The following ELMO3 variants were observed in gnomAD, a reference collection of about 807,000 sequenced individuals.
The protein encoded by ELMO3 is engulfment and cell motility 3.
ELMO3 carries 81 observed loss-of-function variants against 89.0 expected under a neutral mutation model. The observed-to-expected ratio is 0.91, with a 90% confidence interval of 0.76 to 1.09. The LOEUF (loss-of-function observed/expected upper bound fraction) is 1.09, where lower values mean the gene tolerates loss of function less well. Among genes scored for constraint, ELMO3 ranks in the 50% least tolerant of loss-of-function variants. The pLI, the probability that ELMO3 is intolerant of heterozygous loss-of-function variation, is 0.00. For missense variants in ELMO3, 959 were observed against 972.8 expected (o/e 0.99, Z 0.19); for synonymous variants, 406 against 400.6 (o/e 1.01, Z -0.16).
chr16:67,199,476 G>GGGCCCCCCCCCC, intron 1 of ELMO3, 72 bp downstream of exon 1: 1 of 1,503,596 alleles, frequency 6.7e-7, no homozygotes, highest in Non-Finnish European at 9.0e-7. Context: ...CCTCGGGGCA[G>GGGCCCCCCCCCC]CCCGCCCCAC....
chr16:67,203,309 C>T lies in ELMO3; in HGVS notation c.1781-18C>T, dbSNP rs1453482399. On this transcript the variant is annotated intron_variant, in intron 17 of 19. Coordinates refer to ENST00000393997, the MANE Select transcript of ELMO3 (RefSeq NM_024712.5). This position sits in a 1 kb window ranked among gnomAD's most constrained non-coding sequence, Gnocchi z 4.6. ...GGCTGCCAGGGCTGCAGTGCTCAGC[C>T]CAGCCTTCTTCCTGCAGTCCCTGTG... The T allele has an allele frequency of 3.8e-6, 6 of 1,592,654 alleles. No homozygotes were observed. Among genetic ancestry groups the T allele is most frequent in the Non-Finnish European group, 5.1e-6 (6 of 1,172,886 alleles).
In ELMO3 at chr16:67,201,826, C is replaced by T. The variant is rs745529398; in HGVS notation, c.1003C>T (p.Arg335Cys). 26 of 1,611,576 alleles carry T rather than the reference C, an allele frequency of 1.6e-5. No homozygotes were observed. The South Asian group carries it at 2.2e-4, about 14-fold the overall frequency. The change falls in exon 11 of 20, where the codon CGT becomes TGT. Residue 335 changes from arginine (R) to cysteine (C), a missense_variant. Arg to Cys is a radical substitution (Grantham distance 180, BLOSUM62 -3). Coordinates refer to ENST00000393997, the MANE Select transcript of ELMO3 (RefSeq NM_024712.5). ...ESSGAGLSAD[R>C]RRSLCAREFR... ...CTCGGGTGCCGGGCTAAGTGCTGACCGTCGCCGTTCCCTCTGTGCCCGAGA... is the reference window on the plus strand; with the variant it reads ...CTCGGGTGCCGGGCTAAGTGCTGACTGTCGCCGTTCCCTCTGTGCCCGAGA...
chr16:67,201,481 G>A (rs375594879), intron 9 of ELMO3, 39 bp from the exon 10 acceptor site: 81 of 1,613,708 alleles, frequency 5.0e-5, no homozygotes, highest in Admixed American at 1.3e-4. Flanking sequence ...CTCCCTCCCC[G>A]TGAGCCCTCG....
rs544236181 is a variant in ELMO3 at position 67,203,838 on chromosome 16, C to T, written c.2124C>T (p.Asn708=). 6.3e-6 allele frequency: 10 copies of T among 1,588,780 alleles called. No individual in the cohort carries two copies. The South Asian group carries it at 7.8e-5, about 12-fold the overall frequency. The change falls in exon 20 of 20, where the codon AAC becomes AAT. Residue 708 remains asparagine, a synonymous_variant. Coordinates refer to ENST00000393997, the MANE Select transcript of ELMO3 (RefSeq NM_024712.5). The surrounding 1 kb of genome is among the most constrained non-coding windows in gnomAD (Gnocchi z 4.6). ...RPPPVPPPPT[N]FNFCYDCSIA... ...CCCCTGTGCCCCCACCCCCCACCAA[C>T]TTCAACTTCTGCTATGACTGCAGCA... is the stretch of plus-strand genomic sequence containing the variant.
chr16:67,201,266 C>T, intron 8 of ELMO3, 119 bp from the exon 9 acceptor site: 3 of 1,194,052 alleles, frequency 2.5e-6, no homozygotes, highest in South Asian at 2.5e-5. Flanking sequence ...ACTGTGTTAG[C>T]CAGGTTGGCC....
Position 67,202,297 on chromosome 16 carries a change from G to C in ELMO3, c.1261+13G>C. Reference sequence around the variant, plus strand: ...GTTGGGGAGCCCTGTGAGTGGCCTGGACTGGGCACAGCATGGCCAAGAGCA... The same window carrying C: ...GTTGGGGAGCCCTGTGAGTGGCCTGCACTGGGCACAGCATGGCCAAGAGCA... On this transcript the variant is annotated intron_variant, in intron 13 of 19. Coordinates refer to ENST00000393997, the MANE Select transcript of ELMO3 (RefSeq NM_024712.5). The C allele has an allele frequency of 6.2e-7, 1 of 1,612,594 alleles. No homozygotes were observed. The highest frequency in any genetic ancestry group is 1.1e-5 in the South Asian group (1 of 90,966).
chr16:67,199,761 G>A lies in ELMO3; in HGVS notation c.192+5G>A, dbSNP rs745882640. 4 of 1,610,722 alleles carry A rather than the reference G, an allele frequency of 2.5e-6. No individual in the cohort carries two copies. Among genetic ancestry groups the A allele is most frequent in the East Asian group, 2.2e-5 (1 of 44,838 alleles). ...CGGAGATACATCACCGAGAATGTGA[G>A]TCCCCTCTCCCCAGCCCCAAGCTCG... On this transcript the variant is annotated splice_donor_5th_base_variant and intron_variant, in intron 3 of 19. Transcript: ENST00000393997.
At position 67,203,112 on chromosome 16, in the gene ELMO3, C is replaced by T. The variant is rs746976868; in HGVS notation, c.1676-7C>T. On this transcript the variant is annotated splice_polypyrimidine_tract_variant and splice_region_variant and intron_variant, in intron 16 of 19. Coordinates refer to ENST00000393997, the MANE Select transcript of ELMO3 (RefSeq NM_024712.5). This position sits in a 1 kb window ranked among gnomAD's most constrained non-coding sequence, Gnocchi z 4.6. ...GCACTCTGGCCCTCTTCCCTTTCTC[C>T]ACGCAGATAAGCTGTGGTTCTGCTG... The T allele has an allele frequency of 8.7e-6, 14 of 1,605,156 alleles. No individual in the cohort carries two copies. In the South Asian group the frequency reaches 1.6e-4, roughly 18 times the overall value.
At position 67,200,946 on chromosome 16, in the gene ELMO3, G is replaced by C. The variant is rs781010131; in HGVS notation, c.722G>C (p.Gly241Ala). The change falls in exon 8 of 20, where the codon GGG becomes GCG. Residue 241 changes from glycine (G) to alanine (A), a missense_variant. Transcript: ENST00000393997. Reference sequence around the variant, plus strand: ...GCCCTGCTGACAGCCTTGCTGCAGGGGGCCAGCCCTGTGGAACGCAAGGTG... The same window carrying C: ...GCCCTGCTGACAGCCTTGCTGCAGGCGGCCAGCCCTGTGGAACGCAAGGTG... ...AMALLTALLQ[G>A]ASPVERKHML... The C allele has an allele frequency of 6.2e-7, 1 of 1,609,484 alleles. No homozygotes were observed. The highest frequency in any genetic ancestry group is 1.1e-5 in the South Asian group (1 of 90,570).
At position 67,199,706 on chromosome 16, in the gene ELMO3, C is replaced by G. The variant is rs776579819; in HGVS notation, c.142C>G (p.Arg48Gly). The G allele has an allele frequency of 1.2e-6, 2 of 1,610,910 alleles. No individual in the cohort carries two copies. The highest frequency in any genetic ancestry group is 1.7e-6 in the Non-Finnish European group (2 of 1,179,874). Reference sequence around the variant, plus strand: ...CAGGTGGAGCCTGACGCACTCTGAGCGTTACGCCCTGCAGTTTGCGGATGG... The same window carrying G: ...CAGGTGGAGCCTGACGCACTCTGAGGGTTACGCCCTGCAGTTTGCGGATGG... ...CDAWSLTHSERYALQFADGHR... is the reference protein window; with the variant it reads ...CDAWSLTHSEGYALQFADGHR... Residue 48 changes from arginine (R) to glycine (G), a missense_variant, in exon 3 of 20, where the codon CGT becomes GGT. Transcript: ENST00000393997.
Position 67,199,232 on chromosome 16 carries a change from G to A in ELMO3, c.-95G>A, listed in dbSNP as rs375663141. Reference sequence around the variant, plus strand: ...CCGAGGTCAGGTCTCGGAAAGGGAGGACCTCCTCGTCCCCAGGGGCCCCAG... The same window carrying A: ...CCGAGGTCAGGTCTCGGAAAGGGAGAACCTCCTCGTCCCCAGGGGCCCCAG... On this transcript the variant is annotated 5_prime_UTR_variant, in exon 1 of 20. Transcript: ENST00000393997. The A allele has an allele frequency of 1.1e-5, 17 of 1,611,274 alleles. No individual in the cohort carries two copies. The African/African-American group carries it at 1.5e-4, about 14-fold the overall frequency.
rs751822849 is a variant in ELMO3, at chr16:67,203,175, A to G, written c.1732A>G (p.Met578Val). ...CCACAAGCTGCTGCAGTACGGAGAC[A>G]TGGAGGAGGGCGCCAGCCCGCCTAC... Reference protein sequence around the residue: ...PNHKLLQYGDMEEGASPPTLE... With the variant: ...PNHKLLQYGDVEEGASPPTLE... The change falls in exon 17 of 20, where the codon ATG becomes GTG. Residue 578 changes from methionine to valine, a missense_variant. Transcript: ENST00000393997. The surrounding 1 kb of genome is among the most constrained non-coding windows in gnomAD (Gnocchi z 4.6). The G allele has an allele frequency of 2.5e-6, 4 of 1,611,944 alleles. No homozygotes were observed. In the South Asian group the frequency reaches 3.3e-5, roughly 13 times the overall value.
intron 1 of ELMO3, 33 bp from the exon 2 acceptor site, chr16:67,199,520 C>G (rs748486757): frequency 2.5e-6 from 4 of 1,590,718 alleles, no homozygotes; most frequent in Non-Finnish European, 3.4e-6. Flanking sequence ...TCCCTCCCTG[C>G]CCAGGCCGCG....
chr16:67,199,747 C>A lies in ELMO3; in HGVS notation c.183C>A (p.Ile61=), dbSNP rs1258259701. 3 of 1,611,188 alleles carry A rather than the reference C, an allele frequency of 1.9e-6. No individual in the cohort carries two copies. Among genetic ancestry groups the A allele is most frequent in the Non-Finnish European group, 2.5e-6 (3 of 1,179,680 alleles). The change falls in exon 3 of 20, where the codon ATC becomes ATA. Residue 61 remains isoleucine (I), a synonymous_variant. Transcript: ENST00000393997. ...LQFADGHRRY[I]TENNRAEIKN... is the part of the protein sequence containing the mutation. ...TTGCGGATGGGCACCGGAGATACAT[C>A]ACCGAGAATGTGAGTCCCCTCTCCC...
rs767801931 is a variant in ELMO3, at chr16:67,199,265, G to A, written c.-62G>A. The A allele has an allele frequency of 2.4e-5, 38 of 1,612,022 alleles. No individual in the cohort carries two copies. The highest frequency in any genetic ancestry group is 3.2e-5 in the Non-Finnish European group (38 of 1,179,716). Reference sequence around the variant, plus strand: ...CGTCCCCAGGGGCCCCAGGCCAGGTGCACCCTTGGCCGCAGGTGCACGGTC... The same window carrying A: ...CGTCCCCAGGGGCCCCAGGCCAGGTACACCCTTGGCCGCAGGTGCACGGTC... On this transcript the variant is annotated 5_prime_UTR_variant, in exon 1 of 20. Coordinates refer to ENST00000393997, the MANE Select transcript of ELMO3 (RefSeq NM_024712.5).
rs1051537082 is a variant in ELMO3, at chr16:67,201,326, G to A, written c.745-59G>A. 12 of 1,609,042 alleles carry A rather than the reference G, an allele frequency of 7.5e-6. No individual in the cohort carries two copies. The Admixed American group carries it at 1.5e-4, about 20-fold the overall frequency. ...CCCGCCTTGGCCTCCCAAAGTGCTG[G>A]GATTACAGGCGTGAGCCACCGCGCC... On this transcript the variant is annotated intron_variant, in intron 8 of 19. Coordinates refer to ENST00000393997, the MANE Select transcript of ELMO3 (RefSeq NM_024712.5).
In ELMO3 at chr16:67,202,438, C is replaced by T. The variant is rs760357896; in HGVS notation, c.1303C>T (p.Gln435Ter). ...GGACTTCTCACCCATGTTCTTCGGCCAAGACCAGAGCTTCCACGAGCTCTT... is the reference window on the plus strand; with the variant it reads ...GGACTTCTCACCCATGTTCTTCGGCTAAGACCAGAGCTTCCACGAGCTCTT... ...AQDFSPMFFG[Q>*]DQSFHELFCV... The change falls in exon 14 of 20, where the codon CAA becomes TAA. Residue 435 changes from glutamine (Q) to a stop codon, truncating the protein, a stop_gained. Coordinates refer to ENST00000393997, the MANE Select transcript of ELMO3 (RefSeq NM_024712.5). LOFTEE classifies it high-confidence loss of function. 30 of 1,613,772 alleles carry T rather than the reference C, an allele frequency of 1.9e-5. No homozygotes were observed. The South Asian group carries it at 2.6e-4, about 14-fold the overall frequency.
Position 67,203,444 on chromosome 16 carries a change from GC to G in ELMO3, c.1863+40del. ...GCGGGCCAGGGGCTCCTTCCCACCCGCCCCCGCCTACCCTGTCCCCTGCTCA... is the reference window on the plus strand; with the variant it reads ...GCGGGCCAGGGGCTCCTTCCCACCCGCCCCGCCTACCCTGTCCCCTGCTCA... On this transcript the variant is annotated intron_variant, in intron 18 of 19. Coordinates refer to ENST00000393997, the MANE Select transcript of ELMO3 (RefSeq NM_024712.5). The surrounding 1 kb of genome is among the most constrained non-coding windows in gnomAD (Gnocchi z 4.6). The G allele has an allele frequency of 5.5e-6, 5 of 911,638 alleles. No individual in the cohort carries two copies. The highest frequency in any genetic ancestry group is 8.7e-6 in the Non-Finnish European group (5 of 573,662). 56.5% of individuals were successfully genotyped at this position (911,638 alleles called of 1,614,324 possible).
chr16:67,200,649 C>A lies in ELMO3; in HGVS notation c.514-8C>A. The stretch of plus-strand genomic sequence containing the variant: ...GGGGTGAGGTGGTGACACCCCCGCC[C>A]CTTACAGGTGGTGTGCTACGTGAAC... On this transcript the variant is annotated splice_polypyrimidine_tract_variant and splice_region_variant and intron_variant, in intron 6 of 19. Coordinates refer to ENST00000393997, the MANE Select transcript of ELMO3 (RefSeq NM_024712.5). 6.2e-7 allele frequency: 1 copy of A among 1,611,416 alleles called. No individual in the cohort carries two copies. The highest frequency in any genetic ancestry group is 1.1e-5 in the South Asian group (1 of 91,058).
Sources: allele counts gnomAD v4.1 joint callset, GRCh38; gene constraint gnomAD v4.1.1; non-coding constraint Gnocchi (gnomAD v3.1); transcripts MANE v1.5; gene names NCBI Gene and HGNC (gene_info 2026-07-23, HGNC 2026-07-21).